Variants in OR51B5 observed in about 807,000 individuals in gnomAD.
OR51B5 encodes olfactory receptor 51B5.
For missense variants in OR51B5, 456 were observed against 374.6 expected (o/e 1.22, Z -1.79); for synonymous variants, 186 against 144.8 (o/e 1.28, Z -2.04).
intron 1 of OR51B5, among the ~76,000 whole-genome samples, chr11:5,426,434 C>G (rs1253758394): frequency 1.3e-5 from 2 of 152,046 alleles, no homozygotes; most frequent in African/African-American, 2.4e-5. Flanking sequence ...AAATCTAACT[C>G]TCTTATAGTT....
At chr11:5,377,746 A>G (rs1849549296) in intron 1 of OR51B5, among the ~76,000 whole-genome samples, 2 of 151,368 alleles carry the variant, frequency 1.3e-5, no homozygotes, top group Admixed American at 1.3e-4. Flanking sequence ...TAGGAATCCA[A>G]CTTACAAGGG....
intron 1 of OR51B5, among the ~76,000 whole-genome samples, chr11:5,397,269 C>T (rs1313826112): frequency 6.6e-6 from 1 of 152,078 alleles, no homozygotes; most frequent in Non-Finnish European, 1.5e-5. Context: ...GAACAGGCAA[C>T]CTACACAATG....
chr11:5,343,568 C>T (rs772725935), upstream of OR51B5: 4 of 674,596 alleles, frequency 5.9e-6, no homozygotes, highest in Admixed American at 2.6e-5. Flanking sequence ...TCTGTTATTA[C>T]CACAGTGCAC....
chr11:5,473,646 G>A (rs1057378981), intron 1 of OR51B5, among the ~76,000 whole-genome samples: 1 of 152,048 alleles, frequency 6.6e-6, no homozygotes, highest in Non-Finnish European at 1.5e-5. Context: ...ATACTTGAAA[G>A]CAATATGGAA....
intron 1 of OR51B5, among the ~76,000 whole-genome samples, chr11:5,363,522 C>T (rs1849319416): frequency 6.6e-6 from 1 of 152,016 alleles, no homozygotes; most frequent in South Asian, 2.1e-4. Context: ...CACTCAGCTC[C>T]ATGAGGTACA....
chr11:5,434,852 A>G lies in OR51B5; in HGVS notation n.84+70717T>C, dbSNP rs144786336. 3.3e-5 allele frequency among the ~76,000 whole-genome samples: 5 copies of G among 152,304 alleles called. No individual in the cohort carries two copies. In the East Asian group the frequency reaches 5.8e-4, roughly 18 times the overall value. On this transcript the variant is annotated intron_variant and non_coding_transcript_variant, in intron 1 of 4. Coordinates refer to the OR51B5 transcript ENST00000415970. ...GGACTAGAATCTAGTTCTTCCAATT[A>G]TAAGTCCCATGGTCTTCCCTATAAA... is the stretch of plus-strand genomic sequence containing the variant.
chr11:5,454,630 A>G (rs1436227279), intron 1 of OR51B5: 1 of 440,870 alleles, frequency 2.3e-6, no homozygotes, highest in Non-Finnish European at 4.0e-6. Flanking sequence ...TCTTAGAAAG[A>G]TAAATATTGG....
intron 1 of OR51B5, chr11:5,362,793 C>A: frequency 8.9e-6 from 2 of 225,300 alleles, no homozygotes. Flanking sequence ...GGTGGCCTCA[C>A]TCTTCATGGG....
intron 1 of OR51B5, among the ~76,000 whole-genome samples, chr11:5,477,435 G>A (rs1050208843): frequency 2.6e-5 from 4 of 152,080 alleles, no homozygotes; most frequent in Non-Finnish European, 5.9e-5. Context: ...ATTCCTGCCT[G>A]CATTCATCTC....
At chr11:5,402,253 G>T (rs190997989) in intron 1 of OR51B5, among the ~76,000 whole-genome samples, 1 of 152,024 alleles carries the variant, frequency 6.6e-6, no homozygotes, top group East Asian at 1.9e-4. Flanking sequence ...GGGCTCAAGC[G>T]ATCTGCCTAC....
At chr11:5,466,029 A>G (rs1050726224) in intron 1 of OR51B5, among the ~76,000 whole-genome samples, 1 of 151,922 alleles carries the variant, frequency 6.6e-6, no homozygotes, top group South Asian at 2.1e-4. Context: ...GCAACCTACA[A>G]AATGGGAGAA....
intron 1 of OR51B5, among the ~76,000 whole-genome samples, chr11:5,466,890 T>C (rs1186115641): frequency 6.6e-6 from 1 of 152,248 alleles, no homozygotes; most frequent in Non-Finnish European, 1.5e-5. Context: ...TTTGGGAAGC[T>C]GTATTTAGCT....
At chr11:5,443,860 T>A (rs1850727604) in intron 1 of OR51B5, among the ~76,000 whole-genome samples, 1 of 151,032 alleles carries the variant, frequency 6.6e-6, no homozygotes, top group African/African-American at 2.4e-5. Flanking sequence ...CAGAATATCA[T>A]GAGCACACAC....
Position 5,465,830 on chromosome 11 carries a change from C to T in OR51B5, n.84+39739G>A, listed in dbSNP as rs529383738. 8.7e-5 allele frequency among the ~76,000 whole-genome samples: 13 copies of T among 149,968 alleles called. No homozygotes were observed. In the East Asian group the frequency reaches 1.8e-3, roughly 20 times the overall value. ...ATTCAAGATGGATTAAAGACTTAAA[C>T]GTTAGACCTAAAACCATAAAAACCC... is the stretch of plus-strand genomic sequence containing the variant. On this transcript the variant is annotated intron_variant and non_coding_transcript_variant, in intron 1 of 4. Transcript: ENST00000415970.
chr11:5,395,225 C>T (rs1269806999), intron 1 of OR51B5, among the ~76,000 whole-genome samples: 2 of 152,172 alleles, frequency 1.3e-5, no homozygotes, highest in African/African-American at 4.8e-5. Context: ...GGAAGAGAGA[C>T]AGCTTTATAA....
intron 1 of OR51B5, among the ~76,000 whole-genome samples, chr11:5,461,324 T>C (rs927731134): frequency 1.1e-4 from 17 of 152,140 alleles, no homozygotes; most frequent in African/African-American, 2.2e-4. Context: ...AGGATCTATC[T>C]GCAAAAGTGT....
At chr11:5,460,945 T>C (rs1851040428) in intron 1 of OR51B5, among the ~76,000 whole-genome samples, 1 of 152,230 alleles carries the variant, frequency 6.6e-6, no homozygotes, top group Non-Finnish European at 1.5e-5. Flanking sequence ...AAGCACCTGT[T>C]GCACTGGAGG....
At chr11:5,440,469 T>C in intron 1 of OR51B5, 1 of 741,774 alleles carries the variant, frequency 1.3e-6, no homozygotes, top group South Asian at 1.8e-5. Flanking sequence ...TTCACTACTA[T>C]CAAGATCCTG....
At chr11:5,368,935 G>A (rs563143449) in intron 1 of OR51B5, among the ~76,000 whole-genome samples, 6 of 152,028 alleles carry the variant, frequency 3.9e-5, no homozygotes, top group African/African-American at 9.7e-5. Flanking sequence ...TTTTCTTTCC[G>A]GATCATGCTT....
Sources: allele counts gnomAD v4.1 joint callset (sites outside exome capture counted in the v4.1 genomes callset), GRCh38; gene constraint gnomAD v4.1.1; transcripts MANE v1.5; gene names NCBI Gene and HGNC (gene_info 2026-07-23, HGNC 2026-07-21).